TSEN15: variants seen among roughly 807,000 people sequenced by gnomAD.
TSEN15 encodes the protein tRNA-splicing endonuclease subunit Sen15.
In TSEN15, 10 loss-of-function variants were observed where a neutral mutation model predicts 20.5. The observed-to-expected ratio is 0.49, with a 90% CI of 0.30 to 0.83. The LOEUF (loss-of-function observed/expected upper bound fraction) is 0.83. Among genes scored for constraint, TSEN15 ranks in the 40% least tolerant of loss-of-function variants. The pLI is 0.06. For synonymous variants in TSEN15, 72 were observed against 80.1 expected, an observed-to-expected ratio of 0.90 and a Z score of 0.54; for missense variants, 180 against 218.6, an observed-to-expected ratio of 0.82 and a Z score of 1.11.
chr1:184,068,663 G>A (rs140106951), intron 3 of TSEN15, among the ~76,000 whole-genome samples: 1 of 152,282 alleles, frequency 6.6e-6, no homozygotes, highest in Non-Finnish European at 1.5e-5. Context: ...CAAGGAGGTG[G>A]TCTGTTATCC....
At position 184,072,901 on chromosome 1, in the gene TSEN15, A is replaced by C; in HGVS notation, c.*54A>C. On this transcript the variant is annotated 3_prime_UTR_variant, in exon 5 of 5. Coordinates refer to ENST00000645668, the MANE Select transcript of TSEN15 (RefSeq NM_052965.4). The stretch of plus-strand genomic sequence containing the variant: ...TCATACAAGATTGGATTTGAGACCC[A>C]TCAGACTGCTTCATCTTTTATCTCA... The C allele has an allele frequency of 6.5e-7, 1 of 1,538,134 alleles. No homozygotes were observed. The highest frequency in any genetic ancestry group is 8.9e-7 in the Non-Finnish European group (1 of 1,128,572).
At chr1:184,063,549 C>G (rs1650540141) in intron 3 of TSEN15, among the ~76,000 whole-genome samples, 1 of 152,080 alleles carries the variant, frequency 6.6e-6, no homozygotes, top group Non-Finnish European at 1.5e-5. Flanking sequence ...ATCCTATTTC[C>G]CTCAATGTTG....
At chr1:184,054,941 T>C (rs1358566016) in intron 3 of TSEN15, 78 bp downstream of exon 3, 4 of 1,468,200 alleles carry the variant, frequency 2.7e-6, no homozygotes, top group Admixed American at 2.4e-5. Context: ...TGTAATACTT[T>C]TAATGAAATT....
chr1:184,060,908 C>T (rs896185461), intron 3 of TSEN15, among the ~76,000 whole-genome samples: 4 of 152,280 alleles, frequency 2.6e-5, no homozygotes, highest in East Asian at 1.9e-4. Context: ...ATAAGGCAAA[C>T]GTCTAGAACT....
chr1:184,056,008 T>C (rs999333792), intron 3 of TSEN15, among the ~76,000 whole-genome samples: 2 of 152,192 alleles, frequency 1.3e-5, no homozygotes, highest in Non-Finnish European at 2.9e-5. Context: ...AGGCTGACCT[T>C]ATACACTTAA....
intron 3 of TSEN15, among the ~76,000 whole-genome samples, chr1:184,058,834 A>G (rs1650341267): frequency 6.6e-6 from 1 of 152,158 alleles, no homozygotes; most frequent in Non-Finnish European, 1.5e-5. Flanking sequence ...TACATAAATT[A>G]ACGATTCTGT....
chr1:184,071,600 C>A (rs534793121), intron 3 of TSEN15, among the ~76,000 whole-genome samples: 1 of 151,634 alleles, frequency 6.6e-6, no homozygotes, highest in Admixed American at 6.6e-5. Context: ...CAATAGTAAT[C>A]TCTAGAGTCA....
chr1:184,067,253 A>G (rs191871464), intron 3 of TSEN15, among the ~76,000 whole-genome samples: 2 of 152,198 alleles, frequency 1.3e-5, no homozygotes, highest in East Asian at 1.9e-4. Context: ...TTACACTACA[A>G]CTGTTACCAC....
chr1:184,074,185 T>G lies in TSEN15; in HGVS notation c.*1338T>G, dbSNP rs371262310. The G allele has an allele frequency of 5.9e-5, 9 of 152,318 alleles. No individual in the cohort carries two copies. In the South Asian group the frequency reaches 8.3e-4, roughly 14 times the overall value. The allele number at this position is 152,318 out of a possible 1,614,324, so 9.4% of individuals were successfully genotyped here. On this transcript the variant is annotated 3_prime_UTR_variant, in exon 5 of 5. Coordinates refer to ENST00000645668, the MANE Select transcript of TSEN15 (RefSeq NM_052965.4). ...TTTTCTCAATGTTTTTATTTGTATT[T>G]TATAATAAAAATGTTTTAAAATTAA...
At chr1:184,096,228 T>C (rs1251722631) in exon 4 of TSEN15, 1 of 152,496 alleles carries the variant, frequency 6.6e-6, no homozygotes, top group African/African-American at 2.4e-5. Context: ...AATGTGCTTA[T>C]GCCAACTACT....
intron 3 of TSEN15, among the ~76,000 whole-genome samples, chr1:184,088,740 T>C (rs116943092): frequency 7.6e-6 from 1 of 132,168 alleles, no homozygotes; most frequent in East Asian, 2.0e-4. Context: ...TGTTTTCTGT[T>C]TGTTTGTTTG....
downstream of TSEN15, among the ~76,000 whole-genome samples, chr1:184,077,137 C>T (rs1207558715): frequency 6.6e-6 from 1 of 152,054 alleles, no homozygotes; most frequent in Non-Finnish European, 1.5e-5. Context: ...GGCTTCAAAG[C>T]TTCAAAGGAT....
chr1:184,085,062 A>T (rs866934401), intron 3 of TSEN15, among the ~76,000 whole-genome samples: 3 of 152,140 alleles, frequency 2.0e-5, no homozygotes, highest in Non-Finnish European at 2.9e-5. Context: ...GATAAACACC[A>T]GCTATGCAGT....
At chr1:184,068,845 T>C (rs1650784286) in intron 3 of TSEN15, among the ~76,000 whole-genome samples, 1 of 152,190 alleles carries the variant, frequency 6.6e-6, no homozygotes, top group South Asian at 2.1e-4. Flanking sequence ...GGCTATAGCA[T>C]ATATTATTTG....
intron 1 of TSEN15, among the ~76,000 whole-genome samples, chr1:184,052,140 C>T (rs1481593921): frequency 6.6e-6 from 1 of 152,214 alleles, no homozygotes; most frequent in African/African-American, 2.4e-5. Context: ...CTCCGCCCCT[C>T]TCAAGCCGGA....
At chr1:184,056,721 T>C (rs2102879596) in intron 3 of TSEN15, among the ~76,000 whole-genome samples, 1 of 152,284 alleles carries the variant, frequency 6.6e-6, no homozygotes, top group Middle Eastern at 3.4e-3. Flanking sequence ...TTTTTCTACC[T>C]CCATTTACTG....
At chr1:184,077,042 A>G (rs1170466342), downstream of TSEN15, among the ~76,000 whole-genome samples, 3 of 152,176 alleles carry the variant, frequency 2.0e-5, no homozygotes, top group Non-Finnish European at 4.4e-5. Flanking sequence ...TATATTAAAT[A>G]ACAGGCTTTA....
At chr1:184,079,365 C>G (rs1651121296) in intron 3 of TSEN15, among the ~76,000 whole-genome samples, 2 of 152,276 alleles carry the variant, frequency 1.3e-5, no homozygotes, top group Admixed American at 6.5e-5. Context: ...TAACTGGTAT[C>G]TTAGCTAGGA....
downstream of TSEN15, among the ~76,000 whole-genome samples, chr1:184,075,928 C>T (rs568664176): frequency 6.4e-4 from 94 of 147,190 alleles, no homozygotes; most frequent in Middle Eastern, 3.5e-3. Context: ...TTTTCTTAGC[C>T]ATATGAAAGT....
Sources: gnomAD v4.1 joint callset for allele counts (sites outside exome capture counted in the v4.1 genomes callset) on GRCh38, gnomAD v4.1.1 for gene constraint, MANE v1.5 for transcripts, NCBI Gene and HGNC (gene_info 2026-07-23, HGNC 2026-07-21) for gene names.